Variants in RPGRIP1L observed in about 807,000 individuals in gnomAD.
RPGRIP1L encodes protein fantom.
In RPGRIP1L, 131 loss-of-function variants were observed where a neutral mutation model predicts 160.4. The observed-to-expected ratio is 0.82, with a 90% CI of 0.71 to 0.94. RPGRIP1L has a LOEUF of 0.94. Among genes scored for constraint, RPGRIP1L ranks in the 40% least tolerant of loss-of-function variants. RPGRIP1L has a pLI of 0.00. For missense variants in RPGRIP1L, 1,522 were observed against 1,535.8 expected (o/e 0.99, Z 0.15); for synonymous variants, 510 against 515.8 (o/e 0.99, Z 0.15).
At chr16:53,686,402 T>C in intron 6 of RPGRIP1L, 31 bp downstream of exon 6, 2 of 1,606,488 alleles carry the variant, frequency 1.2e-6, no homozygotes, top group South Asian at 1.1e-5. Flanking sequence ...AATTTTGACC[T>C]TATCAAAGTG....
intron 6 of RPGRIP1L, among the ~76,000 whole-genome samples, chr16:53,678,360 T>C (rs1074424): frequency 5.3e-4 from 81 of 152,288 alleles, no homozygotes; most frequent in Non-Finnish European, 9.3e-4. Flanking sequence ...AATGGAAGCC[T>C]TGAAAACACT....
At chr16:53,610,261 A>AT (rs1452297845) in intron 25 of RPGRIP1L, among the ~76,000 whole-genome samples, 6 of 152,084 alleles carry the variant, frequency 3.9e-5, no homozygotes, top group Admixed American at 6.6e-5. Context: ...ATATACATGT[A>AT]TTTTCTCTAC....
chr16:53,656,684 A>G (rs1228871180), intron 13 of RPGRIP1L, 95 bp from the exon 14 acceptor site: 1 of 906,504 alleles, frequency 1.1e-6, no homozygotes, highest in Non-Finnish European at 1.8e-6. Context: ...TAGATCCTGG[A>G]AATAGTAGGA....
At chr16:53,649,183 C>A in intron 15 of RPGRIP1L, 68 bp from the exon 16 acceptor site, 1 of 1,275,976 alleles carries the variant, frequency 7.8e-7, no homozygotes, top group Admixed American at 1.7e-5. Flanking sequence ...AGTAAAAATA[C>A]ATCAATGGCA....
intron 24 of RPGRIP1L, among the ~76,000 whole-genome samples, chr16:53,613,309 CT>C (rs200080337): frequency 0.053 from 7,792 of 146,450 alleles, 404 homozygotes; most frequent in East Asian, 0.31. Flanking sequence ...CTAAATTTAC[CT>C]TTTTTTTTTT....
intron 16 of RPGRIP1L, among the ~76,000 whole-genome samples, chr16:53,646,371 A>C (rs987117821): frequency 2.0e-5 from 3 of 152,194 alleles, no homozygotes; most frequent in African/African-American, 7.2e-5. Context: ...TCACCCGCCC[A>C]CCCAGAGTAA....
chr16:53,657,614 T>G lies in RPGRIP1L; in HGVS notation c.1420A>C (p.Asn474His). The change falls in exon 13 of 27, where the codon AAT becomes CAT. Residue 474 changes from asparagine (N) to histidine (H), a missense_variant. Coordinates refer to ENST00000647211, the MANE Select transcript of RPGRIP1L (RefSeq NM_015272.5). ...TTCACTAAAAAGGAAAGGTCTCCAT[T>G]TTTTTGTTCTTTTTGAGCCTAAAAT... ...LLIKAQKEQKNGDLSFLVKVD... is the reference protein window; with the variant it reads ...LLIKAQKEQKHGDLSFLVKVD... The G allele has an allele frequency of 6.3e-7, 1 of 1,580,684 alleles. No individual in the cohort carries two copies. Among genetic ancestry groups the G allele is most frequent in the South Asian group, 1.2e-5 (1 of 86,918 alleles).
Position 53,703,089 on chromosome 16 carries a change from T to G in RPGRIP1L, c.-8+714A>C, listed in dbSNP as rs574910309. On this transcript the variant is annotated intron_variant, in intron 1 of 26. Coordinates refer to ENST00000647211, the MANE Select transcript of RPGRIP1L (RefSeq NM_015272.5). ...TTCGAGACCAGCCTGGCCAACATGA[T>G]GAAACCCTGTCTCTACTAAAAATAC... 3.3e-5 allele frequency: 5 copies of G among 152,214 alleles called. No homozygotes were observed. The South Asian group carries it at 8.3e-4, about 25-fold the overall frequency. 9.4% of individuals were successfully genotyped at this position (152,214 alleles called of 1,614,324 possible). A position where few individuals can be genotyped will look rare whatever the true frequency, so the allele number is the denominator to read the frequency against.
At position 53,598,600 on chromosome 16, in the gene RPGRIP1L, T is replaced by A. The variant is rs944931881; in HGVS notation, c.*3476A>T. The A allele has an allele frequency of 1.3e-5, 2 of 152,250 alleles. No individual in the cohort carries two copies. The highest frequency in any genetic ancestry group is 1.3e-4 in the Admixed American group (2 of 15,282). 9.4% of individuals were successfully genotyped at this position (152,250 alleles called of 1,614,324 possible). On this transcript the variant is annotated 3_prime_UTR_variant, in exon 27 of 27. Transcript: ENST00000647211. ...TTTTAAAAACACTTGTTTCTCTTGC[T>A]TTGATATTTTCTAGCTTTCTGGTTG...
chr16:53,653,995 A>G (rs1038229113), intron 14 of RPGRIP1L, among the ~76,000 whole-genome samples: 1 of 152,036 alleles, frequency 6.6e-6, no homozygotes, highest in Admixed American at 6.6e-5. Context: ...ACAGATTCTC[A>G]CTCTGTCACC....
chr16:53,699,010 A>G (rs1178981998), intron 2 of RPGRIP1L, among the ~76,000 whole-genome samples: 1 of 152,146 alleles, frequency 6.6e-6, no homozygotes, highest in Non-Finnish European at 1.5e-5. Context: ...GGAAAGAAGT[A>G]GACATGGGAG....
At chr16:53,669,308 T>G (rs532719971) in intron 9 of RPGRIP1L, among the ~76,000 whole-genome samples, 2 of 152,282 alleles carry the variant, frequency 1.3e-5, no homozygotes, top group Non-Finnish European at 2.9e-5. Context: ...GTGCTTATGT[T>G]ACATTAATTT....
chr16:53,699,772 C>T (rs183519312), intron 2 of RPGRIP1L, among the ~76,000 whole-genome samples: 2 of 147,978 alleles, frequency 1.4e-5, no homozygotes, highest in East Asian at 2.0e-4. Flanking sequence ...GAGCGGAGGT[C>T]GCGCCACTGC....
chr16:53,680,596 T>C (rs987758440), intron 6 of RPGRIP1L, among the ~76,000 whole-genome samples: 1 of 152,070 alleles, frequency 6.6e-6, no homozygotes, highest in African/African-American at 2.4e-5. Context: ...AAGACATTAT[T>C]GGGACAATTG....
chr16:53,679,720 A>C (rs1396915732), intron 6 of RPGRIP1L, among the ~76,000 whole-genome samples: 1 of 152,244 alleles, frequency 6.6e-6, no homozygotes, highest in Non-Finnish European at 1.5e-5. Flanking sequence ...GTTATTTAAC[A>C]ATTAGCAGAA....
intron 6 of RPGRIP1L, among the ~76,000 whole-genome samples, chr16:53,679,581 C>G (rs1181708489): frequency 1.5e-5 from 2 of 137,516 alleles, no homozygotes; most frequent in Non-Finnish European, 3.3e-5. Flanking sequence ...CTGAACCTTA[C>G]AGTCAATATT....
At chr16:53,640,052 G>C (rs114775782) in intron 19 of RPGRIP1L, among the ~76,000 whole-genome samples, 2 of 152,264 alleles carry the variant, frequency 1.3e-5, no homozygotes, top group African/African-American at 4.8e-5. Flanking sequence ...CCACCACAGA[G>C]AATGGTAAAA....
chr16:53,685,768 A>G (rs1437352854), intron 6 of RPGRIP1L, among the ~76,000 whole-genome samples: 1 of 152,202 alleles, frequency 6.6e-6, no homozygotes, highest in African/African-American at 2.4e-5. Context: ...GCTGGGTTTA[A>G]TATCTGGGTG....
intron 22 of RPGRIP1L, among the ~76,000 whole-genome samples, chr16:53,625,506 C>A (rs1965068092): frequency 6.7e-6 from 1 of 148,674 alleles, no homozygotes. Flanking sequence ...CAGCGGCCGC[C>A]CCGTCTAGGG....
Sources: allele counts gnomAD v4.1 joint callset (sites outside exome capture counted in the v4.1 genomes callset), GRCh38; gene constraint gnomAD v4.1.1; transcripts MANE v1.5; gene names NCBI Gene and HGNC (gene_info 2026-07-23, HGNC 2026-07-21).